Variants in TIAM2 observed in about 807,000 individuals in gnomAD.
The protein encoded by TIAM2 is rho guanine nucleotide exchange factor TIAM2.
In TIAM2, 80 loss-of-function variants were observed where a neutral mutation model predicts 152.9. The observed-to-expected ratio is 0.52, with a 90% CI of 0.44 to 0.63. TIAM2 has a LOEUF of 0.63. Ranked by LOEUF, TIAM2 falls within the 30% of genes least tolerant of loss-of-function variation. TIAM2 has a pLI of 0.00. For synonymous variants in TIAM2, 804 were observed against 838.0 expected (o/e 0.96, Z 0.70); for missense variants, 1,965 against 2,120.1 (o/e 0.93, Z 1.44).
At chr6:155,122,435 T>C (rs1429399292) in intron 2 of TIAM2, among the ~76,000 whole-genome samples, 2 of 146,778 alleles carry the variant, frequency 1.4e-5, no homozygotes, top group Non-Finnish European at 3.0e-5. Flanking sequence ...GAATGGAGAA[T>C]GGAAGGCAGG....
intron 1 of TIAM2, among the ~76,000 whole-genome samples, chr6:155,029,539 A>AG (rs1213893304): frequency 1.4e-3 from 83 of 57,528 alleles, no homozygotes; most frequent in Non-Finnish European, 2.1e-3. Context: ...AGATAATAAT[A>AG]TATATTATGT....
intron 1 of TIAM2, among the ~76,000 whole-genome samples, chr6:155,004,568 G>A (rs528313576): frequency 1.7e-3 from 259 of 152,082 alleles, no homozygotes; most frequent in African/African-American, 6.0e-3. Context: ...CTCATTTTTT[G>A]TACTTTTAGT....
In TIAM2 at chr6:155,176,816, G is replaced by A; in HGVS notation, c.2362G>A (p.Val788Ile). Residue 788 changes from valine to isoleucine, a missense_variant and splice_region_variant, in exon 10 of 27, where the codon GTC becomes ATC. Val to Ile is a conservative substitution (Grantham distance 29, BLOSUM62 3). This residue lies in a region of TIAM2 where 1,025 missense variants were observed against 1,119.4 expected (regional missense o/e 0.92). Coordinates refer to ENST00000682666, the MANE Select transcript of TIAM2 (RefSeq NM_012454.4). The stretch of plus-strand genomic sequence containing the variant: ...ATTTTCTTTTGGCATCTACAAACAG[G>A]TCGATGAACTTCTGCATATATATGG... Reference protein sequence around the residue: ...GKEKRPSITQVDELLHIYGST... With the variant: ...GKEKRPSITQIDELLHIYGST... The A allele has an allele frequency of 6.2e-7, 1 of 1,606,572 alleles. No individual in the cohort carries two copies. The highest frequency in any genetic ancestry group is 8.5e-7 in the Non-Finnish European group (1 of 1,177,982).
At chr6:155,224,243 C>T (rs746800953) in intron 15 of TIAM2, among the ~76,000 whole-genome samples, 2 of 152,182 alleles carry the variant, frequency 1.3e-5, no homozygotes, top group African/African-American at 2.4e-5. Context: ...AGTTCCGGCT[C>T]CACAGTGGTG....
intron 15 of TIAM2, among the ~76,000 whole-genome samples, chr6:155,226,828 C>T (rs1782265317): frequency 6.6e-6 from 1 of 152,176 alleles, no homozygotes; most frequent in African/African-American, 2.4e-5. Flanking sequence ...TGTGTCTGTC[C>T]CCATCAGTGA....
chr6:155,211,885 T>C (rs1283683150), intron 15 of TIAM2, among the ~76,000 whole-genome samples: 2 of 152,184 alleles, frequency 1.3e-5, no homozygotes, highest in East Asian at 3.8e-4. Flanking sequence ...TTTCCCCTGC[T>C]TTCAACTCCC....
At chr6:155,252,300 T>C (rs1400631428) in intron 23 of TIAM2, among the ~76,000 whole-genome samples, 1 of 152,150 alleles carries the variant, frequency 6.6e-6, no homozygotes, top group African/African-American at 2.4e-5. Context: ...GGTGAAACCC[T>C]GCCTCTACCA....
chr6:155,017,836 C>T (rs1435575356), intron 1 of TIAM2, among the ~76,000 whole-genome samples: 1 of 151,986 alleles, frequency 6.6e-6, no homozygotes, highest in African/African-American at 2.4e-5. Flanking sequence ...AAAGTCCAAA[C>T]TTAGCCTGAC....
At chr6:155,002,411 A>G (rs1778328121) in intron 1 of TIAM2, among the ~76,000 whole-genome samples, 1 of 152,210 alleles carries the variant, frequency 6.6e-6, no homozygotes, top group African/African-American at 2.4e-5. Flanking sequence ...ACCTCGTCTC[A>G]AAATAAAATA....
At chr6:155,016,732 T>C (rs1778595072) in intron 1 of TIAM2, among the ~76,000 whole-genome samples, 1 of 151,932 alleles carries the variant, frequency 6.6e-6, no homozygotes, top group East Asian at 1.9e-4. Flanking sequence ...AACCTGTCTC[T>C]ACTAAAAATA....
At chr6:155,061,262 A>G (rs947182974) in intron 1 of TIAM2, among the ~76,000 whole-genome samples, 1 of 147,422 alleles carries the variant, frequency 6.8e-6, no homozygotes, top group Non-Finnish European at 1.5e-5. Context: ...ACTAGACTTT[A>G]TATTTCTGTA....
chr6:155,231,854 C>T (rs1309928359), intron 15 of TIAM2, among the ~76,000 whole-genome samples: 1 of 152,214 alleles, frequency 6.6e-6, no homozygotes, highest in Non-Finnish European at 1.5e-5. Flanking sequence ...GCAGGTGGAT[C>T]ACCTGAGGTC....
intron 1 of TIAM2, among the ~76,000 whole-genome samples, chr6:155,030,679 T>A (rs1193163066): frequency 2.0e-5 from 3 of 152,180 alleles, no homozygotes; most frequent in African/African-American, 7.2e-5. Context: ...CTTGCTCCTG[T>A]GGAATAATAC....
At chr6:155,171,092 A>G (rs903073477) in intron 9 of TIAM2, among the ~76,000 whole-genome samples, 2 of 152,312 alleles carry the variant, frequency 1.3e-5, no homozygotes, top group African/African-American at 4.8e-5. Flanking sequence ...TTTTTATACA[A>G]TAAGTACATT....
At chr6:155,030,939 A>G (rs1054451395) in intron 1 of TIAM2, among the ~76,000 whole-genome samples, 1 of 152,168 alleles carries the variant, frequency 6.6e-6, no homozygotes, top group South Asian at 2.1e-4. Flanking sequence ...TGGCATAGTA[A>G]TGGTGCCAAA....
intron 2 of TIAM2, among the ~76,000 whole-genome samples, chr6:155,100,971 A>G (rs565219787): frequency 6.6e-6 from 1 of 152,300 alleles, no homozygotes; most frequent in African/African-American, 2.4e-5. Flanking sequence ...CTTAGGAGCA[A>G]TGTCTGAGCG....
At chr6:155,146,198 G>A (rs3763200) in intron 6 of TIAM2, among the ~76,000 whole-genome samples, 77,826 of 151,844 alleles carry the variant, frequency 0.51, 20,162 homozygotes, top group Middle Eastern at 0.58. Flanking sequence ...TCAGCATAGC[G>A]AGGCCCCATC....
chr6:155,064,215 C>G (rs1583173685), intron 1 of TIAM2, among the ~76,000 whole-genome samples: 2 of 152,186 alleles, frequency 1.3e-5, no homozygotes, highest in African/African-American at 4.8e-5. Flanking sequence ...TGTTGATTAC[C>G]TACCAGATTT....
rs749029215 is a variant in TIAM2 at position 155,240,703 on chromosome 6, C to T, written c.3342C>T (p.Tyr1114=). ...AGCTTGTGGACACAGAGAAGTCCTA[C>T]GTGAAGGTAAGGGAAGAGCTGGCAT... The part of the protein sequence containing the change: ...IQELVDTEKS[Y]VKDLSCLFEL... The change falls in exon 16 of 27, where the codon TAC becomes TAT. Residue 1114 remains tyrosine (Y), a synonymous_variant. Coordinates refer to ENST00000682666, the MANE Select transcript of TIAM2 (RefSeq NM_012454.4). 27 of 1,610,822 alleles carry T rather than the reference C, an allele frequency of 1.7e-5. No homozygotes were observed. Among genetic ancestry groups the T allele is most frequent in the Admixed American group, 6.7e-5 (4 of 59,948 alleles).
Sources: allele counts gnomAD v4.1 joint callset (sites outside exome capture counted in the v4.1 genomes callset), GRCh38; gene constraint gnomAD v4.1.1; regional missense constraint gnomAD v4.1.1; transcripts MANE v1.5; gene names NCBI Gene and HGNC (gene_info 2026-07-23, HGNC 2026-07-21).